Variants in PARP2 observed in about 807,000 individuals in gnomAD.
PARP2 encodes the protein poly(ADP-ribose) polymerase 2.
Under a neutral mutation model 77.8 loss-of-function variants are expected in PARP2, and 57 were observed. The observed-to-expected ratio is 0.73, with a 90% CI of 0.59 to 0.91. The LOEUF (loss-of-function observed/expected upper bound fraction) is 0.91. Ranked by LOEUF, PARP2 falls within the 40% of genes least tolerant of loss-of-function variation. The pLI, the probability that PARP2 is intolerant of heterozygous loss-of-function variation, is 0.00. For missense variants in PARP2, 651 were observed against 689.0 expected (o/e 0.94, Z 0.62); for synonymous variants, 226 against 242.6 (o/e 0.93, Z 0.64).
Position 20,351,395 on chromosome 14 carries a change from T to G in PARP2, c.497+273T>G, listed in dbSNP as rs959841572. Among the ~76,000 whole-genome samples, 75 of 152,130 alleles carry G rather than the reference T, an allele frequency of 4.9e-4. 1 individual carries two copies. The highest frequency in any genetic ancestry group is 1.8e-3 in the African/African-American group (74 of 41,512). On this transcript the variant is annotated intron_variant, in intron 6 of 15. Coordinates refer to ENST00000429687, the MANE Select transcript of PARP2 (RefSeq NM_001042618.2). ...GGTTTCGCCATGTTGGCCAGGCTGG[T>G]CTCGAACCCCTGACCTCAGGTGATC...
intron 6 of PARP2, among the ~76,000 whole-genome samples, chr14:20,351,903 CTT>C (rs1328030856): frequency 2.0e-5 from 3 of 152,076 alleles, no homozygotes; most frequent in African/African-American, 7.2e-5. Context: ...ATTTTTAAAA[CTT>C]TATGATATAG....
chr14:20,350,427 T>C (rs1883912691), intron 4 of PARP2, 99 bp from the exon 5 acceptor site: 2 of 620,682 alleles, frequency 3.2e-6, no homozygotes, highest in African/African-American at 1.8e-5. Flanking sequence ...CTTTTCCTTA[T>C]GGAAATAACT....
chr14:20,356,679 C>G lies in PARP2; in HGVS notation c.1319C>G (p.Thr440Arg), dbSNP rs1884165917. 1 of 1,611,818 alleles carries G rather than the reference C, an allele frequency of 6.2e-7. No individual in the cohort carries two copies. Among genetic ancestry groups the G allele is most frequent in the Non-Finnish European group, 8.5e-7 (1 of 1,178,000 alleles). Reference protein sequence around the residue: ...LRIAPPEAPITGYMFGKGIYF... With the variant: ...LRIAPPEAPIRGYMFGKGIYF... Reference sequence around the variant, plus strand: ...ATTGCCCCACCTGAAGCTCCCATCACAGGTTACATGGTGAGTGAAATTGAA... The same window carrying G: ...ATTGCCCCACCTGAAGCTCCCATCAGAGGTTACATGGTGAGTGAAATTGAA... The change falls in exon 13 of 16, where the codon ACA (threonine) becomes AGA (arginine). Residue 440 changes from threonine (T) to arginine (R), a missense_variant. Coordinates refer to ENST00000429687, the MANE Select transcript of PARP2 (RefSeq NM_001042618.2).
At chr14:20,345,770 C>T (rs1883695472) in intron 3 of PARP2, among the ~76,000 whole-genome samples, 1 of 152,004 alleles carries the variant, frequency 6.6e-6, no homozygotes, top group Admixed American at 6.6e-5. Flanking sequence ...GTATCTGCTC[C>T]TCAGGAGACC....
Position 20,356,322 on chromosome 14 carries a change from C to T in PARP2, c.1117C>T (p.Leu373=), listed in dbSNP as rs1884149766. 6.2e-7 allele frequency: 1 copy of T among 1,614,088 alleles called. No individual in the cohort carries two copies. The highest frequency in any genetic ancestry group is 1.1e-5 in the South Asian group (1 of 91,074). ...SYEFKVISQY[L]QSTHAPTHSD... is the part of the protein sequence containing the mutation. The stretch of plus-strand genomic sequence containing the variant: ...TTTTTCACAGGTGATTTCCCAGTAC[C>T]TACAATCTACCCATGCTCCCACACA... Residue 373 remains leucine (L), a synonymous_variant, in exon 12 of 16, where the codon CTA becomes TTA. Transcript: ENST00000429687.
intron 3 of PARP2, 52 bp from the exon 4 acceptor site, chr14:20,346,811 G>A (rs1445711432): frequency 8.2e-7 from 1 of 1,213,018 alleles, no homozygotes; most frequent in Non-Finnish European, 1.2e-6. Context: ...CATTTAGGAT[G>A]TCAGGGCTGA....
At chr14:20,352,213 T>C (rs1344219985) in intron 6 of PARP2, 32 bp from the exon 7 acceptor site, 2 of 1,213,828 alleles carry the variant, frequency 1.6e-6, no homozygotes, top group Non-Finnish European at 2.4e-6. Context: ...GACCTTTATT[T>C]GTAAAGTTTT....
rs778155437 is a variant in PARP2 at position 20,354,865 on chromosome 14, GATTGT to G, written c.824_828del (p.Cys275SerfsTer15). The G allele has an allele frequency of 3.1e-6, 5 of 1,613,854 alleles. No individual in the cohort carries two copies. The African/African-American group carries it at 6.7e-5, about 22-fold the overall frequency. On this transcript the variant is annotated frameshift_variant, in exon 9 of 16. Coordinates refer to ENST00000429687, the MANE Select transcript of PARP2 (RefSeq NM_001042618.2). LOFTEE classifies it high-confidence loss of function. ...TTACCAGTCTCTTAAGAAGATTGAG[GATTGT>G]ATTCGGGCTGGCCAGCATGGACGAG...
chr14:20,352,795 A>C (rs2138938733), intron 7 of PARP2: 1 of 152,396 alleles, frequency 6.6e-6, no homozygotes, highest in East Asian at 1.9e-4. Flanking sequence ...GGGTGCTCTC[A>C]CTGATCTTTG....
Position 20,355,740 on chromosome 14 carries a change from C to G in PARP2, c.903-12C>G, listed in dbSNP as rs758628144. ...TCAGAAAGCTCATTATGGGTTATAT[C>G]TCTGTTCTTAGACTCCGTACTCCTC... On this transcript the variant is annotated splice_polypyrimidine_tract_variant and intron_variant, in intron 9 of 15. Transcript: ENST00000429687. The G allele has an allele frequency of 7.5e-6, 12 of 1,610,156 alleles. No homozygotes were observed. The African/African-American group carries it at 1.6e-4, about 22-fold the overall frequency.
intron 4 of PARP2, among the ~76,000 whole-genome samples, chr14:20,347,594 A>G (rs8020840): frequency 0.21 from 31,721 of 147,742 alleles, 7,655 homozygotes; most frequent in African/African-American, 0.6. Flanking sequence ...TATTTTTAGT[A>G]GAGATGGGGT....
rs3093927 is a variant in PARP2, at chr14:20,354,936, G to A, written c.891G>A (p.Pro297=). ...GCAATGAATTCTACACCAGGATTCC[G>A]CATGACTTTGGGTAAGGCCTGTGCT... ...EACNEFYTRI[P]HDFGLRTPPL... Residue 297 remains proline, a synonymous_variant, in exon 9 of 16, where the codon CCG becomes CCA. Transcript: ENST00000429687. 23,278 of 1,613,232 alleles carry A rather than the reference G, an allele frequency of 0.014. 1,431 individuals carry two copies. The African/African-American group carries it at 0.19, about 13-fold the overall frequency.
intron 6 of PARP2, 125 bp downstream of exon 6, chr14:20,351,247 G>A: frequency 1.7e-6 from 1 of 573,932 alleles, no homozygotes; most frequent in East Asian, 3.3e-5. Flanking sequence ...GGCATGATCT[G>A]AGCTCACTGC....
intron 11 of PARP2, 135 bp from the exon 12 acceptor site, chr14:20,356,172 A>G (rs1884141975): frequency 2.1e-6 from 3 of 1,395,542 alleles, no homozygotes; most frequent in Admixed American, 4.2e-5. Context: ...GGGAAGGCCA[A>G]GCTTTTCCTA....
intron 3 of PARP2, 84 bp from the exon 4 acceptor site, chr14:20,346,779 G>T: frequency 1.2e-6 from 1 of 860,476 alleles, no homozygotes. Context: ...GATGACTTGA[G>T]CCATAAGAAA....
At chr14:20,351,144 C>A (rs186717620) in intron 6 of PARP2, 22 bp downstream of exon 6, 2 of 1,581,042 alleles carry the variant, frequency 1.3e-6, no homozygotes, top group Admixed American at 3.5e-5. Flanking sequence ...AAAGTGACTA[C>A]AAAAAAATAT....
chr14:20,347,642 C>A (rs1883817443), intron 4 of PARP2, among the ~76,000 whole-genome samples: 1 of 145,660 alleles, frequency 6.9e-6, no homozygotes. Flanking sequence ...AACCCCTGAC[C>A]TCAGGTGATC....
chr14:20,347,354 G>GTTTATATATA (rs1883771350), intron 4 of PARP2, among the ~76,000 whole-genome samples: 13 of 43,950 alleles, frequency 3.0e-4, no homozygotes, highest in Non-Finnish European at 4.5e-4. Context: ...ATATGTGTGT[G>GTTTATATATA]TGTATATATA....
chr14:20,347,354 G>GTGTGTGTGTATGTA (rs1435294191), intron 4 of PARP2, among the ~76,000 whole-genome samples: 1 of 43,956 alleles, frequency 2.3e-5, no homozygotes, highest in Non-Finnish European at 3.5e-5. Context: ...ATATGTGTGT[G>GTGTGTGTGTATGTA]TGTATATATA....
Sources: gnomAD v4.1 joint callset for allele counts (sites outside exome capture counted in the v4.1 genomes callset) on GRCh38, gnomAD v4.1.1 for gene constraint, MANE v1.5 for transcripts, NCBI Gene and HGNC (gene_info 2026-07-23, HGNC 2026-07-21) for gene names.